The following DCC variants were observed in gnomAD, a reference collection of about 807,000 sequenced individuals.
DCC encodes the protein netrin receptor DCC.
DCC carries 58 observed loss-of-function variants against 172.5 expected under a neutral mutation model. The ratio of observed to expected loss-of-function variants is 0.34; its 90% CI spans 0.27 to 0.42. The LOEUF is 0.42. DCC is among the 10% of genes least tolerant of loss of function. The probability of loss-of-function intolerance (pLI) is 1.00; values close to 1 mark genes in which losing one functional copy is unlikely to be tolerated. For synonymous variants in DCC, 709 were observed against 644.5 expected, an observed-to-expected ratio of 1.10 and a Z score of -1.52; for missense variants, 1,740 against 1,791.0, an observed-to-expected ratio of 0.97 and a Z score of 0.51.
intron 24 of DCC, among the ~76,000 whole-genome samples, chr18:53,462,781 A>G (rs749866914): frequency 6.6e-6 from 1 of 151,980 alleles, no homozygotes; most frequent in Non-Finnish European, 1.5e-5. Context: ...CAGGCTTACC[A>G]CCTAACACAG....
At chr18:53,446,925 A>G (rs1201717121) in intron 22 of DCC, among the ~76,000 whole-genome samples, 1 of 152,182 alleles carries the variant, frequency 6.6e-6, no homozygotes, top group Non-Finnish European at 1.5e-5. Context: ...CCTAAACACA[A>G]TAAGGGTGTG....
chr18:53,022,020 G>A (rs2041888598), intron 5 of DCC, among the ~76,000 whole-genome samples: 1 of 152,106 alleles, frequency 6.6e-6, no homozygotes, highest in African/African-American at 2.4e-5. Context: ...TATTTTGTCA[G>A]CTGTTTCCAG....
At chr18:52,360,286 T>C (rs1248378592) in intron 1 of DCC, among the ~76,000 whole-genome samples, 5 of 152,366 alleles carry the variant, frequency 3.3e-5, no homozygotes, top group Admixed American at 1.3e-4. Context: ...GACAGCTTCA[T>C]GCACTTTAAT....
rs1208237046 is a variant in DCC at position 53,124,829 on chromosome 18, G to C, written c.1262-32527G>C. Among the ~76,000 whole-genome samples, 4 of 152,006 alleles carry C rather than the reference G, an allele frequency of 2.6e-5. No individual in the cohort carries two copies. The East Asian group carries it at 5.8e-4, about 22-fold the overall frequency. On this transcript the variant is annotated intron_variant, in intron 7 of 28. Transcript: ENST00000442544. ...AAAAATACAAAAATTAGCCAGGTGTGTGTGGTGGCACATGCCTGTAGTCCC... is the reference window on the plus strand; with the variant it reads ...AAAAATACAAAAATTAGCCAGGTGTCTGTGGTGGCACATGCCTGTAGTCCC...
intron 22 of DCC, among the ~76,000 whole-genome samples, chr18:53,439,916 C>T (rs548693067): frequency 5.7e-4 from 86 of 151,104 alleles, no homozygotes; most frequent in Admixed American, 1.7e-3. Flanking sequence ...AGGCGCCCGC[C>T]ACTACGCCCG....
rs116116043 is a variant in DCC, at chr18:52,643,019, G to T, written c.92-109035G>T. Reference sequence around the variant, plus strand: ...CCTTTGAGGAAAGTTAGATTGTTCAGTCAGAAATTGAAAATGGCCACCTAT... The same window carrying T: ...CCTTTGAGGAAAGTTAGATTGTTCATTCAGAAATTGAAAATGGCCACCTAT... On this transcript the variant is annotated intron_variant, in intron 1 of 28. Transcript: ENST00000442544. 7.0e-3 allele frequency among the ~76,000 whole-genome samples: 1,070 copies of T among 152,298 alleles called. 10 individuals carry two copies. Among genetic ancestry groups the T allele is most frequent in the African/African-American group, 0.025 (1,026 of 41,558 alleles).
intron 1 of DCC, among the ~76,000 whole-genome samples, chr18:52,671,288 C>T (rs946993935): frequency 2.0e-5 from 3 of 151,378 alleles, no homozygotes; most frequent in African/African-American, 4.9e-5. Context: ...TAACCCTTGT[C>T]ACATGACTGA....
At chr18:52,903,178 G>C (rs1257905894) in intron 2 of DCC, among the ~76,000 whole-genome samples, 2 of 152,108 alleles carry the variant, frequency 1.3e-5, no homozygotes, top group African/African-American at 4.8e-5. Context: ...AAGACATTCG[G>C]ATGTAAAATA....
At chr18:53,399,369 A>G (rs1909159230) in intron 18 of DCC, among the ~76,000 whole-genome samples, 1 of 152,128 alleles carries the variant, frequency 6.6e-6, no homozygotes, top group African/African-American at 2.4e-5. Flanking sequence ...AGATGGGATA[A>G]GACCATGGAA....
At chr18:53,065,695 A>G (rs1412140109) in intron 6 of DCC, among the ~76,000 whole-genome samples, 1 of 152,194 alleles carries the variant, frequency 6.6e-6, no homozygotes, top group Non-Finnish European at 1.5e-5. Flanking sequence ...TTCAATAACA[A>G]GTAAAAGAAT....
intron 2 of DCC, among the ~76,000 whole-genome samples, chr18:52,856,625 CAAAAAAAAAA>C (rs11426617): frequency 1.2e-5 from 1 of 83,006 alleles, no homozygotes; most frequent in Admixed American, 1.5e-4. Flanking sequence ...GACTCCATCT[CAAAAAAAAAA>C]AAAAAAAAGA....
chr18:53,124,195 T>G (rs966001767), intron 7 of DCC, among the ~76,000 whole-genome samples: 3 of 152,146 alleles, frequency 2.0e-5, no homozygotes, highest in African/African-American at 7.2e-5. Context: ...AAAACACTTT[T>G]AGGTTTAACT....
At chr18:53,170,041 T>C (rs1330150199) in intron 8 of DCC, among the ~76,000 whole-genome samples, 2 of 147,302 alleles carry the variant, frequency 1.4e-5, no homozygotes, top group Non-Finnish European at 2.9e-5. Context: ...GAAAGGGTGA[T>C]TAAAAACTCG....
intron 12 of DCC, among the ~76,000 whole-genome samples, chr18:53,281,762 ATTT>A (rs754969859): frequency 1.0e-4 from 12 of 115,284 alleles, no homozygotes; most frequent in Non-Finnish European, 9.2e-5. Context: ...TTAATGGGGG[ATTT>A]TTTTTTTTTT....
intron 7 of DCC, among the ~76,000 whole-genome samples, chr18:53,077,530 C>T (rs1231698689): frequency 6.6e-6 from 1 of 152,148 alleles, no homozygotes; most frequent in Non-Finnish European, 1.5e-5. Context: ...ACCCCATGAA[C>T]TGATGATGGT....
chr18:52,641,453 C>T (rs886931134), intron 1 of DCC, among the ~76,000 whole-genome samples: 4 of 152,162 alleles, frequency 2.6e-5, no homozygotes, highest in Admixed American at 2.0e-4. Context: ...AAAATCTTCA[C>T]TATCTATACA....
intron 5 of DCC, among the ~76,000 whole-genome samples, chr18:52,999,725 G>A (rs530254717): frequency 3.3e-5 from 5 of 152,126 alleles, no homozygotes; most frequent in Admixed American, 2.6e-4. Flanking sequence ...TCATACACTG[G>A]ACCAATTATT....
At position 53,134,603 on chromosome 18, in the gene DCC, T is replaced by C. The variant is rs915674546; in HGVS notation, c.1262-22753T>C. On this transcript the variant is annotated intron_variant, in intron 7 of 28. Coordinates refer to ENST00000442544, the MANE Select transcript of DCC (RefSeq NM_005215.4). Reference sequence around the variant, plus strand: ...CAAATATAGCTTTTACCTAGCCAGTTGGTAGGTCAAAACCCAATGGCCCAG... The same window carrying C: ...CAAATATAGCTTTTACCTAGCCAGTCGGTAGGTCAAAACCCAATGGCCCAG... Among the ~76,000 whole-genome samples the C allele has an allele frequency of 3.3e-5, 5 of 152,158 alleles. 1 individual carries two copies. The highest frequency in any genetic ancestry group is 7.4e-5 in the Non-Finnish European group (5 of 68,010).
intron 23 of DCC, among the ~76,000 whole-genome samples, chr18:53,450,972 A>G (rs896908115): frequency 6.6e-6 from 1 of 152,294 alleles, no homozygotes; most frequent in African/African-American, 2.4e-5. Flanking sequence ...AGACTCCACC[A>G]TGCCCCTGTT....
Sources: gnomAD v4.1 joint callset for allele counts (sites outside exome capture counted in the v4.1 genomes callset) on GRCh38, gnomAD v4.1.1 for gene constraint, MANE v1.5 for transcripts, NCBI Gene and HGNC (gene_info 2026-07-23, HGNC 2026-07-21) for gene names.